The following ABCA2 variants were observed in gnomAD, a reference collection of about 807,000 sequenced individuals.
ABCA2 encodes ATP-binding cassette sub-family A member 2.
ABCA2 carries 84 observed loss-of-function variants against 262.8 expected under a neutral mutation model. That is an observed-to-expected ratio of 0.32 (90% confidence interval 0.27 to 0.38). ABCA2 has a LOEUF of 0.38. ABCA2 is among the 10% of genes least tolerant of loss of function. ABCA2 has a pLI of 1.00. For missense variants in ABCA2, 2,662 were observed against 3,405.9 expected (o/e 0.78, Z 5.44); for synonymous variants, 1,696 against 1,502.9 (o/e 1.13, Z -2.97).
chr9:137,025,523 G>A (rs1288455484), intron 1 of ABCA2, among the ~76,000 whole-genome samples: 1 of 152,254 alleles, frequency 6.6e-6, no homozygotes, highest in Non-Finnish European at 1.5e-5. Context: ...TGTTTACTGT[G>A]CTTGGACAAT....
In ABCA2 at chr9:137,028,207, A is replaced by G. The variant is rs1447570460; in HGVS notation, c.-67T>C. The stretch of plus-strand genomic sequence containing the variant: ...CTCTGCGCGCCCCGCCGGGCCCCGC[A>G]GCCCGCCGCGCCGCTGGGCATCGCC... On this transcript the variant is annotated 5_prime_UTR_variant, in exon 1 of 49. Coordinates refer to ENST00000341511, the MANE Select transcript of ABCA2 (RefSeq NM_001606.5). The surrounding 1 kb of genome is among the most constrained non-coding windows in gnomAD (Gnocchi z 6.9). The G allele has an allele frequency of 2.1e-6, 2 of 974,442 alleles. No homozygotes were observed. Among genetic ancestry groups the G allele is most frequent in the African/African-American group, 3.6e-5 (2 of 55,124 alleles). The allele number at this position is 974,442 out of a possible 1,614,324, so 60.4% of individuals were successfully genotyped here.
At position 137,014,670 on chromosome 9, in the gene ABCA2, A is replaced by C. The variant is rs577652638; in HGVS notation, c.4003+20T>G. 7 of 1,601,000 alleles carry C rather than the reference A, an allele frequency of 4.4e-6. No individual in the cohort carries two copies. The African/African-American group carries it at 8.0e-5, about 18-fold the overall frequency. ...GCCTTGTGGGTGGGGTGGGCTGAGC[A>C]AGTGGTCCAGGCCCCTCACCGGCCT... On this transcript the variant is annotated intron_variant, in intron 26 of 48. Transcript: ENST00000341511.
chr9:137,007,646 G>T lies in ABCA2; in HGVS notation c.*283C>A. On this transcript the variant is annotated 3_prime_UTR_variant, in exon 49 of 49. Coordinates refer to ENST00000341511, the MANE Select transcript of ABCA2 (RefSeq NM_001606.5). ...TCGCCTTGGGCGGTGAGCAGTGCCA[G>T]GCAGGGGCGAGGGGCCGGGCAGACC... The T allele has an allele frequency of 1.8e-6, 1 of 541,508 alleles. No individual in the cohort carries two copies. The highest frequency in any genetic ancestry group is 2.1e-5 in the South Asian group (1 of 48,636). 33.5% of individuals were successfully genotyped at this position (541,508 alleles called of 1,614,324 possible). A position where few individuals can be genotyped will look rare whatever the true frequency, so the allele number is the denominator to read the frequency against.
chr9:137,010,303 G>A lies in ABCA2; in HGVS notation c.6243C>T (p.Gly2081=), dbSNP rs779348511. ...TGACGCCCAGGAGCCCGAAGCACTC[G>A]CCAGGACGCACACCCAGGCACAGGC... The part of the protein sequence containing the change: ...VDRLCLGVRP[G]ECFGLLGVNG... Residue 2081 remains glycine, a synonymous_variant, in exon 41 of 49, where the codon GGC becomes GGT. Coordinates refer to ENST00000341511, the MANE Select transcript of ABCA2 (RefSeq NM_001606.5). 5.7e-6 allele frequency: 9 copies of A among 1,592,446 alleles called. No individual in the cohort carries two copies. The highest frequency in any genetic ancestry group is 2.3e-5 in the East Asian group (1 of 43,770).
Position 137,022,418 on chromosome 9 carries a change from G to A in ABCA2, c.500C>T (p.Thr167Met), listed in dbSNP as rs556293578. ...GCTATTGGGCAGCGACAAGTTTTGCGTCAGGAAACGCCAGAGCTCCTGCGG... is the reference window on the plus strand; with the variant it reads ...GCTATTGGGCAGCGACAAGTTTTGCATCAGGAAACGCCAGAGCTCCTGCGG... ...RNPQELWRFL[T>M]QNLSLPNSTA... Residue 167 changes from threonine (T) to methionine (M), a missense_variant, in exon 6 of 49, where the codon ACG becomes ATG. Physicochemically the swap from Thr to Met is moderately conservative, Grantham distance 81 (BLOSUM62 -1). Around this residue, in one of 12 missense-constraint regions of ABCA2, gnomAD observed 403 missense variants for 375.9 expected, o/e 1.07. Coordinates refer to ENST00000341511, the MANE Select transcript of ABCA2 (RefSeq NM_001606.5). 2.0e-5 allele frequency: 32 copies of A among 1,611,956 alleles called. No homozygotes were observed. The highest frequency in any genetic ancestry group is 1.7e-4 in the Middle Eastern group (1 of 6,058).
chr9:137,008,079 T>C (rs1588503598), intron 48 of ABCA2, 115 bp from the exon 49 acceptor site: 1 of 1,313,876 alleles, frequency 7.6e-7, no homozygotes, highest in Admixed American at 2.2e-5. Context: ...GGACGCAGGG[T>C]CTCCCCACGA....
chr9:137,008,234 C>T (rs1334436398), intron 48 of ABCA2, 182 bp downstream of exon 48: 8 of 840,906 alleles, frequency 9.5e-6, no homozygotes, highest in South Asian at 1.4e-5. Flanking sequence ...CAAGTCTGGA[C>T]CATGCAGTTA....
In ABCA2 at chr9:137,010,275, C is replaced by T. The variant is rs567155142; in HGVS notation, c.6271G>A (p.Gly2091Ser). ...GECFGLLGVN[G>S]AGKTSTFKML... ...TTGAAGGTGCTGGTCTTGCCCGCACCGTTGACGCCCAGGAGCCCGAAGCAC... is the reference window on the plus strand; with the variant it reads ...TTGAAGGTGCTGGTCTTGCCCGCACTGTTGACGCCCAGGAGCCCGAAGCAC... The change falls in exon 41 of 49, where the codon GGT becomes AGT. Residue 2091 changes from glycine (G) to serine (S), a missense_variant. By Grantham distance (56) the Gly-to-Ser change is moderately conservative. Around this residue, in one of 12 missense-constraint regions of ABCA2, gnomAD observed 602 missense variants for 897.4 expected, o/e 0.67. Coordinates refer to ENST00000341511, the MANE Select transcript of ABCA2 (RefSeq NM_001606.5). The T allele has an allele frequency of 9.4e-6, 15 of 1,597,166 alleles. No individual in the cohort carries two copies. Among genetic ancestry groups the T allele is most frequent in the African/African-American group, 2.7e-5 (2 of 74,602 alleles).
rs1221887511 is a variant in ABCA2, at chr9:137,014,296, G to A, written c.4112C>T (p.Ala1371Val). 4 of 1,610,930 alleles carry A rather than the reference G, an allele frequency of 2.5e-6. No individual in the cohort carries two copies. The East Asian group carries it at 8.9e-5, about 36-fold the overall frequency. Residue 1371 changes from alanine (A) to valine (V), a missense_variant, in exon 27 of 49, where the codon GCA (alanine) becomes GTA (valine). Around this residue, in one of 12 missense-constraint regions of ABCA2, gnomAD observed 297 missense variants for 286.5 expected, o/e 1.04. Coordinates refer to ENST00000341511, the MANE Select transcript of ABCA2 (RefSeq NM_001606.5). ...CACAGATGACGCCGACTGCAGCGAT[G>A]CCTGCGACTGGGTCAGCTCCGAGCA... Reference protein sequence around the residue: ...ARCSELTQSQASLQSASSVGS... With the variant: ...ARCSELTQSQVSLQSASSVGS...
Position 137,015,718 on chromosome 9 carries a change from G to T in ABCA2, c.3471C>A (p.Tyr1157Ter). 6.2e-7 allele frequency: 1 copy of T among 1,611,450 alleles called. No homozygotes were observed. The highest frequency in any genetic ancestry group is 8.5e-7 in the Non-Finnish European group (1 of 1,179,472). Residue 1157 changes from tyrosine (Y) to a stop codon, truncating the protein, a stop_gained, in exon 23 of 49, where the codon TAC becomes TAA. Coordinates refer to ENST00000341511, the MANE Select transcript of ABCA2 (RefSeq NM_001606.5). LOFTEE classifies it high-confidence loss of function. ...LDEPTAGVDP[Y>*]ARRAIWDLIL... is the part of the protein sequence containing the mutation. ...TGAGGTCCCAGATGGCGCGGCGCGC[G>T]TAGGGGTCCACGCCCGCCGTGGGCT... is the stretch of plus-strand genomic sequence containing the variant.
At chr9:137,013,790 G>A (rs1461463459) in intron 28 of ABCA2, 42 bp downstream of exon 28, 1 of 1,563,350 alleles carries the variant, frequency 6.4e-7, no homozygotes, top group East Asian at 2.4e-5. Flanking sequence ...GCGGGCGGTG[G>A]GGGGAGGCAA....
In ABCA2 at chr9:137,016,593, G is replaced by A. The variant is rs1420562359; in HGVS notation, c.2904C>T (p.Ala968=). The A allele has an allele frequency of 5.6e-6, 9 of 1,612,232 alleles. No homozygotes were observed. The South Asian group carries it at 8.8e-5, about 16-fold the overall frequency. The change falls in exon 20 of 49, where the codon GCC becomes GCT. Residue 968 remains alanine, a synonymous_variant. Transcript: ENST00000341511. ...CCTCACCAAAGCGCCGGCTCTCCAT[G>A]GCACAGGCCTGGTCCTCCTCCATGA... ...LSVMEEDQAC[A]MESRRFEETR...
At chr9:137,022,551 G>T in intron 5 of ABCA2, 73 bp from the exon 6 acceptor site, 2 of 1,576,208 alleles carry the variant, frequency 1.3e-6, no homozygotes, top group South Asian at 1.2e-5. Flanking sequence ...GCTCGGAGCC[G>T]AGCCCAACAC....
chr9:137,018,691 C>CG, intron 13 of ABCA2, 28 bp downstream of exon 13: 1 of 936,740 alleles, frequency 1.1e-6, no homozygotes. Context: ...CTGTGGGGGG[C>CG]TGGGGCGGGG....
Position 137,017,002 on chromosome 9 carries a change from G to A in ABCA2, c.2676C>T (p.Asn892=), listed in dbSNP as rs1564222635. The A allele has an allele frequency of 6.2e-7, 1 of 1,612,712 alleles. No homozygotes were observed. Among genetic ancestry groups the A allele is most frequent in the African/African-American group, 1.3e-5 (1 of 74,942 alleles). ...SQSPVEGDDF[N]LLLAVTMLMV... Reference sequence around the variant, plus strand: ...TCAGCATGGTGACAGCCAGGAGCAAGTTGAAGTCGTCCCCCTCCACCGGGG... The same window carrying A: ...TCAGCATGGTGACAGCCAGGAGCAAATTGAAGTCGTCCCCCTCCACCGGGG... Residue 892 remains asparagine (N), a synonymous_variant, in exon 19 of 49, where the codon AAC becomes AAT. Transcript: ENST00000341511.
At position 137,021,713 on chromosome 9, in the gene ABCA2, C is replaced by T; in HGVS notation, c.679-103G>A. On this transcript the variant is annotated intron_variant, in intron 7 of 48. Transcript: ENST00000341511. The surrounding 1 kb of genome is among the most constrained non-coding windows in gnomAD (Gnocchi z 6.0). ...CCCCACCCACTGGCTGGCTCTGGGG[C>T]TGCCTGGGTCCCACGACATGCCTCT... 1.5e-6 allele frequency: 2 copies of T among 1,341,072 alleles called. No individual in the cohort carries two copies. Among genetic ancestry groups the T allele is most frequent in the Non-Finnish European group, 2.0e-6 (2 of 978,470 alleles). 83.1% of individuals were successfully genotyped at this position (1,341,072 alleles called of 1,614,324 possible). A position where few individuals can be genotyped will look rare whatever the true frequency, so the allele number is the denominator to read the frequency against.
chr9:137,008,639 G>C lies in ABCA2; in HGVS notation c.7069-17C>G. 6.3e-7 allele frequency: 1 copy of C among 1,595,738 alleles called. No individual in the cohort carries two copies. Among genetic ancestry groups the C allele is most frequent in the South Asian group, 1.1e-5 (1 of 88,614 alleles). ...CACGAACACCTGGTGGGTGGCGCAG[G>C]CGTGTGGGGAGGGGGCTGGTCTGGG... is the stretch of plus-strand genomic sequence containing the variant. On this transcript the variant is annotated splice_polypyrimidine_tract_variant and intron_variant, in intron 47 of 48. Transcript: ENST00000341511.
rs550140163 is a variant in ABCA2 at position 137,013,178 on chromosome 9, G to A, written c.4691C>T (p.Ser1564Leu). The change falls in exon 30 of 49, where the codon TCG becomes TTG. Residue 1564 changes from serine to leucine, a missense_variant. Transcript: ENST00000341511. ...GPTLNLSSGE[S>L]RLLAARFFDS... ...GAAGAACCGAGCCGCCAGCAGGCGCGACTCCCCGCTGCTCAGGTTCAACGT... is the reference window on the plus strand; with the variant it reads ...GAAGAACCGAGCCGCCAGCAGGCGCAACTCCCCGCTGCTCAGGTTCAACGT... 15 of 1,600,456 alleles carry A rather than the reference G, an allele frequency of 9.4e-6. No homozygotes were observed. Among genetic ancestry groups the A allele is most frequent in the Admixed American group, 5.1e-5 (3 of 59,026 alleles).
intron 2 of ABCA2, 42 bp downstream of exon 2, chr9:137,024,101 C>A: frequency 6.4e-7 from 1 of 1,572,256 alleles, no homozygotes; most frequent in South Asian, 1.2e-5. Context: ...TGCGAGGTGC[C>A]GCGCTCCCCC....
Sources: gnomAD v4.1 joint callset for allele counts (sites outside exome capture counted in the v4.1 genomes callset) on GRCh38, gnomAD v4.1.1 for gene constraint, gnomAD v4.1.1 regional missense constraint, Gnocchi (gnomAD v3.1) non-coding constraint, MANE v1.5 for transcripts, NCBI Gene and HGNC (gene_info 2026-07-23, HGNC 2026-07-21) for gene names.